DCUN1D3: variants seen among roughly 807,000 people sequenced by gnomAD.
DCUN1D3 encodes the protein defective in cullin neddylation 1 domain containing 3, also known as DCN1-like protein 3.
Under a neutral mutation model 24.8 loss-of-function variants are expected in DCUN1D3, and 6 were observed. The ratio of observed to expected loss-of-function variants is 0.24; its 90% CI spans 0.13 to 0.48. DCUN1D3 has a LOEUF of 0.48. Ranked by LOEUF, DCUN1D3 falls within the 20% of genes least tolerant of loss-of-function variation. The probability of loss-of-function intolerance (pLI) is 0.99; values close to 1 mark genes in which losing one functional copy is unlikely to be tolerated. For synonymous variants in DCUN1D3, 120 were observed against 144.9 expected, an observed-to-expected ratio of 0.83 and a Z score of 1.24; for missense variants, 258 against 379.4, an observed-to-expected ratio of 0.68 and a Z score of 2.66.
At chr16:20,874,739 C>G (rs2152517289) in intron 1 of DCUN1D3, among the ~76,000 whole-genome samples, 2 of 152,292 alleles carry the variant, frequency 1.3e-5, no homozygotes, top group South Asian at 4.1e-4. Context: ...CAAAGACTGA[C>G]AGGAAATGCT....
intron 2 of DCUN1D3, among the ~76,000 whole-genome samples, 189 bp downstream of exon 2, chr16:20,861,919 G>A (rs1377859739): frequency 6.6e-6 from 1 of 152,034 alleles, no homozygotes; most frequent in Admixed American, 6.6e-5. Context: ...GAGTCCAGAG[G>A]GGCTTCTCAG....
chr16:20,855,220 T>G lies in DCUN1D3; in HGVS notation c.*4666A>C, dbSNP rs1009934660. 1 of 152,228 alleles carries G rather than the reference T, an allele frequency of 6.6e-6. No individual in the cohort carries two copies. Among genetic ancestry groups the G allele is most frequent in the African/African-American group, 2.4e-5 (1 of 41,450 alleles). 9.4% of individuals were successfully genotyped at this position (152,228 alleles called of 1,614,324 possible). A position where few individuals can be genotyped will look rare whatever the true frequency, so the allele number is the denominator to read the frequency against. ...CCTCAGCGGCTTAAGGCAGGGTATA[T>G]CTGTGGGACCAATTCATCCAAGCCC... On this transcript the variant is annotated 3_prime_UTR_variant, in exon 3 of 3. Transcript: ENST00000324344.
At chr16:20,896,691 G>A (rs2081917630) in intron 1 of DCUN1D3, among the ~76,000 whole-genome samples, 1 of 152,188 alleles carries the variant, frequency 6.6e-6, no homozygotes, top group Non-Finnish European at 1.5e-5. Flanking sequence ...ATCAGATAGA[G>A]CATTTTATGC....
chr16:20,895,096 T>C (rs2081909465), intron 1 of DCUN1D3, among the ~76,000 whole-genome samples: 1 of 152,322 alleles, frequency 6.6e-6, no homozygotes, highest in Non-Finnish European at 1.5e-5. Context: ...ACTTACATTG[T>C]ATTTGGCTGT....
chr16:20,863,246 C>G (rs894952448), intron 1 of DCUN1D3, among the ~76,000 whole-genome samples: 25 of 152,206 alleles, frequency 1.6e-4, no homozygotes, highest in African/African-American at 6.0e-4. Flanking sequence ...GTGAAATGCC[C>G]TTGCTTTGCC....
chr16:20,898,916 T>C (rs1416549518), intron 1 of DCUN1D3, among the ~76,000 whole-genome samples: 2 of 152,202 alleles, frequency 1.3e-5, no homozygotes, highest in Admixed American at 6.5e-5. Context: ...CAACAGCATA[T>C]CAACAAAGAG....
rs1156295238 is a variant in DCUN1D3 at position 20,856,291 on chromosome 16, C to A, written c.*3595G>T. 1 of 152,098 alleles carries A rather than the reference C, an allele frequency of 6.6e-6. No homozygotes were observed. The highest frequency in any genetic ancestry group is 1.5e-5 in the Non-Finnish European group (1 of 68,024). The allele number at this position is 152,098 out of a possible 1,614,324, so 9.4% of individuals were successfully genotyped here. A position where few individuals can be genotyped will look rare whatever the true frequency, so the allele number is the denominator to read the frequency against. On this transcript the variant is annotated 3_prime_UTR_variant, in exon 3 of 3. Transcript: ENST00000324344. ...TGTAAACTTTTAGACAAGTTCTTAT[C>A]CCAGTAACTCCCCACCACTGTTTAA...
intron 2 of DCUN1D3, 45 bp downstream of exon 2, chr16:20,862,063 T>C (rs956878888): frequency 2.5e-6 from 4 of 1,597,008 alleles, no homozygotes; most frequent in African/African-American, 1.3e-5. Context: ...TGCTGTTCCC[T>C]TTCCTCCACT....
intron 1 of DCUN1D3, among the ~76,000 whole-genome samples, chr16:20,864,373 C>A (rs34469031): frequency 1.3e-5 from 2 of 151,428 alleles, no homozygotes; most frequent in East Asian, 1.9e-4. Context: ...ATGTGGCCAA[C>A]AAGCATATGA....
intron 1 of DCUN1D3, among the ~76,000 whole-genome samples, chr16:20,886,748 G>A (rs1217064111): frequency 1.3e-5 from 2 of 152,298 alleles, no homozygotes; most frequent in East Asian, 1.9e-4. Context: ...AGCTTTAAAA[G>A]GACTGATACA....
At position 20,893,658 on chromosome 16, in the gene DCUN1D3, C is replaced by T. The variant is rs527385020; in HGVS notation, c.-106+6546G>A. Among the ~76,000 whole-genome samples, 4 of 152,298 alleles carry T rather than the reference C, an allele frequency of 2.6e-5. No homozygotes were observed. In the East Asian group the frequency reaches 5.8e-4, roughly 22 times the overall value. The stretch of plus-strand genomic sequence containing the variant: ...AACAGAAGGAAAACAGCAAAACCCC[C>T]TCATCCCTGCCACAAGCATACTTCA... On this transcript the variant is annotated intron_variant, in intron 1 of 2. Transcript: ENST00000324344.
At chr16:20,871,012 C>T (rs780773153) in intron 1 of DCUN1D3, among the ~76,000 whole-genome samples, 26 of 152,130 alleles carry the variant, frequency 1.7e-4, no homozygotes, top group Admixed American at 1.5e-3. Context: ...GAGAAAAAGA[C>T]GGAATATGGC....
At chr16:20,878,641 T>C (rs1045389482) in intron 1 of DCUN1D3, among the ~76,000 whole-genome samples, 1 of 152,242 alleles carries the variant, frequency 6.6e-6, no homozygotes, top group Non-Finnish European at 1.5e-5. Flanking sequence ...CTTTTTTGAA[T>C]ACTGCATACT....
chr16:20,883,254 T>C (rs1331821871), intron 1 of DCUN1D3, among the ~76,000 whole-genome samples: 1 of 152,240 alleles, frequency 6.6e-6, no homozygotes, highest in Non-Finnish European at 1.5e-5. Flanking sequence ...GGCTCACGCC[T>C]GTAATCCCAG....
At chr16:20,898,592 G>A (rs889930323) in intron 1 of DCUN1D3, among the ~76,000 whole-genome samples, 2 of 152,190 alleles carry the variant, frequency 1.3e-5, no homozygotes, top group African/African-American at 2.4e-5. Context: ...ATCTAAACAC[G>A]CTGTTACTGG....
intron 1 of DCUN1D3, among the ~76,000 whole-genome samples, chr16:20,863,561 T>G (rs1182354422): frequency 1.3e-5 from 2 of 152,032 alleles, no homozygotes; most frequent in Non-Finnish European, 2.9e-5. Flanking sequence ...CTGGGAGACA[T>G]AGCAAGACCC....
intron 1 of DCUN1D3, among the ~76,000 whole-genome samples, chr16:20,863,360 T>G: frequency 6.6e-6 from 1 of 152,158 alleles, no homozygotes; most frequent in East Asian, 1.9e-4. Context: ...AGGCTGTACT[T>G]AGAATGCAAG....
intron 1 of DCUN1D3, among the ~76,000 whole-genome samples, chr16:20,884,531 T>C (rs2081859900): frequency 6.6e-6 from 1 of 152,214 alleles, no homozygotes; most frequent in Non-Finnish European, 1.5e-5. Flanking sequence ...CTTATAATTG[T>C]ATATCCAAGG....
intron 1 of DCUN1D3, among the ~76,000 whole-genome samples, chr16:20,892,853 C>A (rs1029256219): frequency 6.6e-6 from 1 of 152,196 alleles, no homozygotes; most frequent in Admixed American, 6.5e-5. Context: ...AAAAGCCCAG[C>A]TTTCTATCAA....
Sources: allele counts gnomAD v4.1 joint callset (sites outside exome capture counted in the v4.1 genomes callset), GRCh38; gene constraint gnomAD v4.1.1; transcripts MANE v1.5; gene names NCBI Gene and HGNC (gene_info 2026-07-23, HGNC 2026-07-21).